Variants in MYO18A observed in about 807,000 individuals in gnomAD.
MYO18A encodes the protein myosin XVIIIA.
In MYO18A, 78 loss-of-function variants were observed where a neutral mutation model predicts 235.8. The observed-to-expected ratio is 0.33, with a 90% CI of 0.28 to 0.40. The LOEUF (loss-of-function observed/expected upper bound fraction) is 0.40. MYO18A is among the 10% of genes least tolerant of loss of function. MYO18A has a pLI of 1.00. For synonymous variants in MYO18A, 977 were observed against 1,077.8 expected (o/e 0.91, Z 1.83); for missense variants, 2,215 against 2,699.3 (o/e 0.82, Z 3.98).
At chr17:29,082,941 T>G (rs780458926) in intron 40 of MYO18A, among the ~76,000 whole-genome samples, 2 of 152,064 alleles carry the variant, frequency 1.3e-5, no homozygotes, top group African/African-American at 4.8e-5. Context: ...TTCGTAGGAT[T>G]TGGAGTTAGC....
chr17:29,112,542 T>C (rs1330742712), intron 15 of MYO18A, among the ~76,000 whole-genome samples: 2 of 152,260 alleles, frequency 1.3e-5, no homozygotes, highest in Non-Finnish European at 2.9e-5. Flanking sequence ...TGGCCTAGCA[T>C]TGATAAACCC....
intron 1 of MYO18A, among the ~76,000 whole-genome samples, chr17:29,179,407 G>T (rs573846109): frequency 1.3e-4 from 19 of 151,814 alleles, no homozygotes; most frequent in Non-Finnish European, 2.5e-4. Flanking sequence ...GGGCCTTATC[G>T]CACCCAGGAA....
chr17:29,119,867 A>T (rs572734852), intron 7 of MYO18A, among the ~76,000 whole-genome samples: 3 of 150,002 alleles, frequency 2.0e-5, no homozygotes, highest in South Asian at 4.2e-4. Context: ...CCCAACCTGC[A>T]TCTTGTTTTT....
At chr17:29,095,127 G>A in intron 28 of MYO18A, 68 bp from the exon 29 acceptor site, 4 of 1,468,786 alleles carry the variant, frequency 2.7e-6, no homozygotes, top group Non-Finnish European at 9.0e-7. Flanking sequence ...ACACTGTCAG[G>A]AGGTGGTGCC....
At position 29,109,819 on chromosome 17, in the gene MYO18A, G is replaced by GA. The variant is rs769497211; in HGVS notation, c.3331+38dup. The GA allele has an allele frequency of 2.3e-5, 35 of 1,539,800 alleles. No homozygotes were observed. In the East Asian group the frequency reaches 6.2e-4, roughly 27 times the overall value. On this transcript the variant is annotated intron_variant, in intron 19 of 41. Transcript: ENST00000527372. The surrounding 1 kb of genome is among the most constrained non-coding windows in gnomAD (Gnocchi z 4.1). ...GTGGGGCCGGGCAGGGCCAGCTCTGGAAAAGAGAGCCCAGAGTGGAGAGGA... is the reference window on the plus strand; with the variant it reads ...GTGGGGCCGGGCAGGGCCAGCTCTGGAAAAAGAGAGCCCAGAGTGGAGAGGA...
At chr17:29,103,561 G>C (rs1258206394) in intron 21 of MYO18A, 38 bp downstream of exon 21, 1 of 1,603,896 alleles carries the variant, frequency 6.2e-7, no homozygotes, top group African/African-American at 1.3e-5. Flanking sequence ...AGGGGCCCCT[G>C]GAGTGAGGCC....
intron 14 of MYO18A, 22 bp downstream of exon 14, chr17:29,114,885 G>A (rs374183995): frequency 1.9e-6 from 3 of 1,601,022 alleles, no homozygotes; most frequent in Non-Finnish European, 2.6e-6. Flanking sequence ...GAGGCTAGAT[G>A]AGGCCCAGGC....
Position 29,111,275 on chromosome 17 carries a change from G to A in MYO18A, c.2900+149C>T. ...TCAAGAGGCCCCTCAAGCTCCTCAA[G>A]GCCAAGTGCCCTGGGCTGTTGCCTC... On this transcript the variant is annotated intron_variant, in intron 17 of 41. Transcript: ENST00000527372. The surrounding 1 kb of genome is among the most constrained non-coding windows in gnomAD (Gnocchi z 5.1). 1.1e-6 allele frequency: 1 copy of A among 880,532 alleles called. No individual in the cohort carries two copies. The highest frequency in any genetic ancestry group is 1.7e-6 in the Non-Finnish European group (1 of 586,308). 54.5% of individuals were successfully genotyped at this position (880,532 alleles called of 1,614,324 possible). A position where few individuals can be genotyped will look rare whatever the true frequency, so the allele number is the denominator to read the frequency against.
chr17:29,171,976 A>G (rs1221813261), intron 1 of MYO18A, among the ~76,000 whole-genome samples: 1 of 152,142 alleles, frequency 6.6e-6, no homozygotes, highest in East Asian at 1.9e-4. Flanking sequence ...GGATAGGAAA[A>G]TGTTAATTGT....
At chr17:29,179,280 T>G (rs1170978691) in intron 1 of MYO18A, among the ~76,000 whole-genome samples, 2 of 116,950 alleles carry the variant, frequency 1.7e-5, no homozygotes, top group Non-Finnish European at 1.7e-5. Context: ...CCCCCACCTC[T>G]AGCTCATTCT....
At chr17:29,124,591 AG>A in intron 2 of MYO18A, 1 of 1,199,364 alleles carries the variant, frequency 8.3e-7, no homozygotes, top group South Asian at 1.4e-5. Context: ...GGTGCAGGCC[AG>A]TGGGGCTAGG....
At chr17:29,167,523 A>G (rs1454279114) in intron 1 of MYO18A, among the ~76,000 whole-genome samples, 1 of 152,144 alleles carries the variant, frequency 6.6e-6, no homozygotes, top group African/African-American at 2.4e-5. Context: ...ACCAGCCTGG[A>G]CAACACAGTG....
intron 1 of MYO18A, among the ~76,000 whole-genome samples, chr17:29,173,927 A>ATTACT (rs1472734407): frequency 6.6e-6 from 1 of 151,918 alleles, no homozygotes; most frequent in Non-Finnish European, 1.5e-5. Flanking sequence ...GTGCGCCACC[A>ATTACT]TTACTGGCTA....
intron 2 of MYO18A, among the ~76,000 whole-genome samples, chr17:29,157,063 G>C (rs1240098735): frequency 6.6e-6 from 1 of 152,224 alleles, no homozygotes; most frequent in African/African-American, 2.4e-5. Flanking sequence ...GTCACCCCAA[G>C]TGCTATGGAG....
rs758726141 is a variant in MYO18A, at chr17:29,087,073, G to A, written c.5575C>T (p.Arg1859Trp). ...TTCTCGGCTGCAATGCGCTGATCCC[G>A]CTCCTCAGTCAGCTTCTCCATGTTT... is the stretch of plus-strand genomic sequence containing the variant. ...KENMEKLTEE[R>W]DQRIAAENRE... Residue 1859 changes from arginine (R) to tryptophan (W), a missense_variant, in exon 38 of 42, where the codon CGG becomes TGG. Coordinates refer to ENST00000527372, the MANE Select transcript of MYO18A (RefSeq NM_078471.4). The A allele has an allele frequency of 7.4e-6, 12 of 1,613,936 alleles. No individual in the cohort carries two copies. Among genetic ancestry groups the A allele is most frequent in the South Asian group, 2.2e-5 (2 of 91,086 alleles).
intron 2 of MYO18A, among the ~76,000 whole-genome samples, chr17:29,164,127 T>G (rs1260839719): frequency 6.6e-6 from 1 of 152,176 alleles, no homozygotes; most frequent in Non-Finnish European, 1.5e-5. Flanking sequence ...CAACCTCAAG[T>G]GATCCACCCG....
At chr17:29,103,572 C>T (rs761047623) in intron 21 of MYO18A, 27 bp downstream of exon 21, 57 of 1,612,922 alleles carry the variant, frequency 3.5e-5, no homozygotes, top group South Asian at 7.7e-5. Flanking sequence ...GAGTGAGGCC[C>T]GACTGCCCTC....
chr17:29,142,202 A>G (rs1046619096), intron 2 of MYO18A, among the ~76,000 whole-genome samples: 1 of 152,144 alleles, frequency 6.6e-6, no homozygotes, highest in Non-Finnish European at 1.5e-5. Flanking sequence ...AGAGTGCTGG[A>G]ATTACAGGCG....
In MYO18A at chr17:29,086,941, C is replaced by T. The variant is rs770633780; in HGVS notation, c.5707G>A (p.Glu1903Lys). The change falls in exon 38 of 42, where the codon GAA (glutamate) becomes AAA (lysine). Residue 1903 changes from glutamate (E) to lysine (K), a missense_variant. Glu to Lys is a moderately conservative substitution (Grantham distance 56). Coordinates refer to ENST00000527372, the MANE Select transcript of MYO18A (RefSeq NM_078471.4). ...TGGGGGACAGGGGGCATTACCAGTT[C>T]GTGCTTCTTGCGGCTCGCCTCGGCC... ...KEAEASRKKH[E>K]LEMDLESLEA... 8.1e-6 allele frequency: 13 copies of T among 1,611,938 alleles called. No individual in the cohort carries two copies. The highest frequency in any genetic ancestry group is 2.2e-5 in the South Asian group (2 of 90,788).
Sources: gnomAD v4.1 joint callset for allele counts (sites outside exome capture counted in the v4.1 genomes callset) on GRCh38, gnomAD v4.1.1 for gene constraint, Gnocchi (gnomAD v3.1) non-coding constraint, MANE v1.5 for transcripts, NCBI Gene and HGNC (gene_info 2026-07-23, HGNC 2026-07-21) for gene names.